ERC2: variants seen among roughly 807,000 people sequenced by gnomAD.
ERC2 encodes ERC protein 2.
Under a neutral mutation model 114.8 loss-of-function variants are expected in ERC2, and 42 were observed. The ratio of observed to expected loss-of-function variants is 0.37; its 90% CI spans 0.29 to 0.47. The LOEUF is 0.47. ERC2 is among the 20% of genes least tolerant of loss of function. The pLI, the probability that ERC2 is intolerant of heterozygous loss-of-function variation, is 0.99. For missense variants in ERC2, 939 were observed against 1,150.7 expected, an observed-to-expected ratio of 0.82 and a Z score of 2.66; for synonymous variants, 454 against 425.5, an observed-to-expected ratio of 1.07 and a Z score of -0.82.
intron 14 of ERC2, among the ~76,000 whole-genome samples, chr3:55,780,954 T>C (rs2068988624): frequency 6.6e-6 from 1 of 152,226 alleles, no homozygotes; most frequent in African/African-American, 2.4e-5. Context: ...TCACTGTTTA[T>C]TAAAACGTCC....
chr3:56,168,946 T>A (rs2082469389), intron 4 of ERC2, among the ~76,000 whole-genome samples: 1 of 152,204 alleles, frequency 6.6e-6, no homozygotes, highest in African/African-American at 2.4e-5. Context: ...TGCTTACTAC[T>A]TATTTCCAAT....
intron 17 of ERC2, among the ~76,000 whole-genome samples, chr3:55,529,057 T>TGATA (rs774640738): frequency 9.9e-5 from 15 of 152,192 alleles, no homozygotes; most frequent in Non-Finnish European, 2.1e-4. Flanking sequence ...CCTTTGAAGT[T>TGATA]GATAGGGTTT....
At chr3:56,203,567 G>C (rs1250953816) in intron 3 of ERC2, among the ~76,000 whole-genome samples, 1 of 152,116 alleles carries the variant, frequency 6.6e-6, no homozygotes, top group African/African-American at 2.4e-5. Flanking sequence ...AATGTTCCAG[G>C]TATGAGGAAA....
At chr3:55,832,220 A>C (rs1300169585) in intron 14 of ERC2, among the ~76,000 whole-genome samples, 1 of 152,242 alleles carries the variant, frequency 6.6e-6, no homozygotes, top group Non-Finnish European at 1.5e-5. Context: ...CTGCAGACTT[A>C]AATGTCCCTG....
At chr3:56,234,347 G>A (rs891116148) in intron 3 of ERC2, among the ~76,000 whole-genome samples, 1 of 152,208 alleles carries the variant, frequency 6.6e-6, no homozygotes, top group African/African-American at 2.4e-5. Flanking sequence ...TACAACTAAA[G>A]AGGATGGCTT....
chr3:55,559,558 G>A (rs1373277290), intron 17 of ERC2, among the ~76,000 whole-genome samples: 2 of 152,208 alleles, frequency 1.3e-5, no homozygotes, highest in African/African-American at 2.4e-5. Context: ...CAAGAGACCT[G>A]GCCCATGAAG....
intron 17 of ERC2, among the ~76,000 whole-genome samples, chr3:55,525,709 TG>T (rs145436927): frequency 0.032 from 4,915 of 152,172 alleles, 223 homozygotes; most frequent in African/African-American, 0.094. Context: ...CCAGGCCACG[TG>T]GGACTTTATG....
chr3:55,990,237 C>A (rs572051958), intron 11 of ERC2, among the ~76,000 whole-genome samples: 11 of 149,342 alleles, frequency 7.4e-5, no homozygotes, highest in African/African-American at 2.5e-4. Context: ...ATAGTTACCT[C>A]AAAAAAAAAT....
At chr3:55,550,956 T>C (rs1280899765) in intron 17 of ERC2, among the ~76,000 whole-genome samples, 44 of 146,432 alleles carry the variant, frequency 3.0e-4, no homozygotes, top group Non-Finnish European at 5.7e-4. Flanking sequence ...GCAGATCTTG[T>C]AGTGAGCTGA....
chr3:55,625,308 T>C (rs1021765520), intron 17 of ERC2, among the ~76,000 whole-genome samples: 2 of 144,692 alleles, frequency 1.4e-5, no homozygotes, highest in South Asian at 4.3e-4. Context: ...CAGAGGTTGC[T>C]GTGAGCCCAG....
intron 17 of ERC2, among the ~76,000 whole-genome samples, chr3:55,641,984 A>G (rs555274521): frequency 7.9e-5 from 12 of 152,346 alleles, no homozygotes; most frequent in Admixed American, 3.9e-4. Flanking sequence ...TTGGCCAGAA[A>G]TCATTTGCAT....
At chr3:55,940,324 G>A (rs371279357) in intron 13 of ERC2, among the ~76,000 whole-genome samples, 1 of 152,004 alleles carries the variant, frequency 6.6e-6, no homozygotes, top group African/African-American at 2.4e-5. Context: ...AAAATCACTC[G>A]AGCCTAGACT....
At chr3:56,250,520 G>A (rs566506144) in intron 3 of ERC2, among the ~76,000 whole-genome samples, 10 of 152,276 alleles carry the variant, frequency 6.6e-5, no homozygotes, top group Non-Finnish European at 1.0e-4. Context: ...AAGATGACAC[G>A]CTCGCTTCAG....
At chr3:56,345,345 A>T (rs918656270) in intron 2 of ERC2, among the ~76,000 whole-genome samples, 9 of 152,206 alleles carry the variant, frequency 5.9e-5, no homozygotes, top group African/African-American at 2.2e-4. Flanking sequence ...GCATAGCCCT[A>T]CTCTGATGGG....
At chr3:56,340,849 C>T (rs972264364) in intron 2 of ERC2, among the ~76,000 whole-genome samples, 2 of 152,018 alleles carry the variant, frequency 1.3e-5, no homozygotes, top group Non-Finnish European at 2.9e-5. Flanking sequence ...AAATTAAAAC[C>T]TATTGCTGCC....
chr3:55,879,361 C>T (rs1185033245), intron 14 of ERC2, among the ~76,000 whole-genome samples: 4 of 152,114 alleles, frequency 2.6e-5, no homozygotes. Flanking sequence ...TCAAATTTTG[C>T]CTACCAACTC....
chr3:55,829,459 A>C (rs1287213112), intron 14 of ERC2, among the ~76,000 whole-genome samples: 1 of 152,220 alleles, frequency 6.6e-6, no homozygotes, highest in Non-Finnish European at 1.5e-5. Context: ...AAAAAATAAA[A>C]GTGGAGAAAA....
intron 17 of ERC2, among the ~76,000 whole-genome samples, chr3:55,655,450 T>C (rs2060816557): frequency 6.6e-6 from 1 of 152,210 alleles, no homozygotes; most frequent in African/African-American, 2.4e-5. Flanking sequence ...GCAGAGTGTT[T>C]AAAAGAATTG....
chr3:55,999,462 A>T (rs2071861159), intron 10 of ERC2, among the ~76,000 whole-genome samples: 1 of 152,106 alleles, frequency 6.6e-6, no homozygotes, highest in South Asian at 2.1e-4. Context: ...CATAGTGTAG[A>T]CTGTCAGACA....
Sources: gnomAD v4.1 joint callset for allele counts (sites outside exome capture counted in the v4.1 genomes callset) on GRCh38, gnomAD v4.1.1 for gene constraint, MANE v1.5 for transcripts, NCBI Gene and HGNC (gene_info 2026-07-23, HGNC 2026-07-21) for gene names.